UBXN4: variants seen among roughly 807,000 people sequenced by gnomAD.
UBXN4 encodes the protein UBX domain protein 4.
A neutral mutation model predicts 66.2 loss-of-function variants in UBXN4; 35 were observed. The observed-to-expected ratio is 0.53, with a 90% confidence interval of 0.40 to 0.70. The LOEUF (loss-of-function observed/expected upper bound fraction) is 0.70. Ranked by LOEUF, UBXN4 falls within the 30% of genes least tolerant of loss-of-function variation. The pLI is 0.00. For synonymous variants in UBXN4, 203 were observed against 204.5 expected (o/e 0.99, Z 0.06); for missense variants, 533 against 599.8 (o/e 0.89, Z 1.16).
intron 8 of UBXN4, among the ~76,000 whole-genome samples, chr2:135,771,496 A>G (rs1017883780): frequency 2.0e-5 from 3 of 152,114 alleles, no homozygotes; most frequent in Non-Finnish European, 2.9e-5. Context: ...GAAAGAAAGA[A>G]AAAAAGCCAT....
chr2:135,780,690 TA>T (rs2105510631), intron 12 of UBXN4, among the ~76,000 whole-genome samples: 1 of 152,366 alleles, frequency 6.6e-6, no homozygotes, highest in Non-Finnish European at 1.5e-5. Flanking sequence ...TTTTTTCTAG[TA>T]ACCTCTTTCT....
In UBXN4 at chr2:135,769,750, T is replaced by G. The variant is rs2077371051; in HGVS notation, c.603-19T>G. On this transcript the variant is annotated intron_variant, in intron 6 of 12. Coordinates refer to ENST00000272638, the MANE Select transcript of UBXN4 (RefSeq NM_014607.4). The stretch of plus-strand genomic sequence containing the variant: ...ATGATGTGTCTCAATTAGTGGTGGT[T>G]TTTTTTTTTTTAATACAGACTAACA... The G allele has an allele frequency of 2.1e-6, 3 of 1,416,276 alleles. No homozygotes were observed. Among genetic ancestry groups the G allele is most frequent in the South Asian group, 1.4e-5 (1 of 73,486 alleles). 87.7% of individuals were successfully genotyped at this position (1,416,276 alleles called of 1,614,324 possible).
Position 135,754,180 on chromosome 2 carries a change from C to T in UBXN4, c.236C>T (p.Ser79Phe). The T allele has an allele frequency of 6.2e-7, 1 of 1,613,604 alleles. No individual in the cohort carries two copies. The change falls in exon 4 of 13, where the codon TCC becomes TTC. Residue 79 changes from serine (S) to phenylalanine (F), a missense_variant. Transcript: ENST00000272638. ...ACAGATCCTGTAGTGTGTGTTCCAT[C>T]CAGTTTCTTTATTGGAGACAGTGGA... The part of the protein sequence containing the change: ...SQIYPVVCVP[S>F]SFFIGDSGIP...
intron 7 of UBXN4, 91 bp from the exon 8 acceptor site, chr2:135,770,480 A>T: frequency 1.2e-6 from 1 of 858,634 alleles, no homozygotes; most frequent in Non-Finnish European, 1.7e-6. Context: ...ATGAAGTTTT[A>T]TTCTTTTAAC....
chr2:135,755,790 C>A, intron 5 of UBXN4, 99 bp downstream of exon 5: 2 of 777,458 alleles, frequency 2.6e-6, no homozygotes, highest in African/African-American at 1.8e-5. Flanking sequence ...ATGTATTTTT[C>A]TTCACATTTA....
At chr2:135,775,789 T>C (rs565566010) in intron 9 of UBXN4, among the ~76,000 whole-genome samples, 2 of 152,304 alleles carry the variant, frequency 1.3e-5, no homozygotes, top group South Asian at 2.1e-4. Context: ...TTGTTTGAGA[T>C]GGAGTCTCGC....
At chr2:135,761,979 T>G in intron 6 of UBXN4, 68 bp downstream of exon 6, 1 of 1,458,892 alleles carries the variant, frequency 6.9e-7, no homozygotes. Context: ...TTTCATTAAT[T>G]TGAATTAAAG....
intron 9 of UBXN4, among the ~76,000 whole-genome samples, chr2:135,773,562 G>C (rs1178500106): frequency 6.6e-6 from 1 of 152,186 alleles, no homozygotes; most frequent in Non-Finnish European, 1.5e-5. Context: ...TGTGGTGAAG[G>C]AGGTGGGGGA....
chr2:135,767,475 A>G (rs1251246368), intron 6 of UBXN4, among the ~76,000 whole-genome samples: 1 of 152,210 alleles, frequency 6.6e-6, no homozygotes, highest in African/African-American at 2.4e-5. Context: ...CGAACACTGT[A>G]GGTTAGTTGT....
At chr2:135,775,886 G>C (rs1489327592) in intron 9 of UBXN4, among the ~76,000 whole-genome samples, 1 of 152,112 alleles carries the variant, frequency 6.6e-6, no homozygotes, top group Admixed American at 6.5e-5. Flanking sequence ...CCCTGCCTTA[G>C]CTTCCTGAGT....
At chr2:135,754,739 C>A (rs1575316019) in intron 4 of UBXN4, among the ~76,000 whole-genome samples, 1 of 152,268 alleles carries the variant, frequency 6.6e-6, no homozygotes, top group African/African-American at 2.4e-5. Flanking sequence ...CATGAAGTTA[C>A]AGGTGCCAGT....
chr2:135,754,099 T>C, intron 3 of UBXN4, 60 bp from the exon 4 acceptor site: 2 of 1,148,770 alleles, frequency 1.7e-6, no homozygotes, highest in Non-Finnish European at 1.3e-6. Flanking sequence ...TTACCAATAG[T>C]GTTTCGTAAA....
intron 10 of UBXN4, among the ~76,000 whole-genome samples, chr2:135,776,905 T>C (rs1417315291): frequency 1.3e-5 from 2 of 152,190 alleles, no homozygotes; most frequent in Admixed American, 6.5e-5. Context: ...CTGGGAACTT[T>C]TTTCACTGAT....
At position 135,751,685 on chromosome 2, in the gene UBXN4, G is replaced by A. The variant is rs74265491; in HGVS notation, c.186-1854G>A. ...GTGTGTATGTATTTTTGGAGATAGC[G>A]TGCATTGAAAATAGATTAGTAGGAA... On this transcript the variant is annotated intron_variant, in intron 2 of 12. Coordinates refer to ENST00000272638, the MANE Select transcript of UBXN4 (RefSeq NM_014607.4). Among the ~76,000 whole-genome samples the A allele has an allele frequency of 0.011, 1,600 of 151,510 alleles. 98 individuals are homozygous for A. The East Asian group carries it at 0.19, about 18-fold the overall frequency.
At chr2:135,778,918 CTCTT>C in intron 10 of UBXN4, 26 bp from the exon 11 acceptor site, 4 of 1,576,326 alleles carry the variant, frequency 2.5e-6, no homozygotes, top group Non-Finnish European at 3.4e-6. Flanking sequence ...TTTAAAGGCA[CTCTT>C]TAAGTTTTTA....
chr2:135,748,261 T>G lies in UBXN4; in HGVS notation c.83-6T>G. On this transcript the variant is annotated splice_region_variant and splice_polypyrimidine_tract_variant and intron_variant, in intron 1 of 12. Transcript: ENST00000272638. ...CTGGTATAAGAATTTTTGAAATGTT[T>G]TACAGGTGATGATGAACAGTCTACA... The G allele has an allele frequency of 6.4e-7, 1 of 1,554,488 alleles. No individual in the cohort carries two copies. Among genetic ancestry groups the G allele is most frequent in the Non-Finnish European group, 8.7e-7 (1 of 1,154,432 alleles).
chr2:135,764,128 T>TAAATA (rs139571168), intron 6 of UBXN4, among the ~76,000 whole-genome samples: 16 of 150,614 alleles, frequency 1.1e-4, no homozygotes, highest in Non-Finnish European at 2.2e-4. Context: ...CGTCTCAAAA[T>TAAATA]AAATAAAATA....
intron 8 of UBXN4, among the ~76,000 whole-genome samples, chr2:135,771,312 A>G (rs2077381790): frequency 6.6e-6 from 1 of 152,104 alleles, no homozygotes; most frequent in African/African-American, 2.4e-5. Flanking sequence ...CGCCATCTCT[A>G]CTAAAAATAC....
chr2:135,756,410 T>C (rs969623355), intron 5 of UBXN4, among the ~76,000 whole-genome samples: 2 of 152,230 alleles, frequency 1.3e-5, no homozygotes, highest in Non-Finnish European at 2.9e-5. Flanking sequence ...TGAACAGCTC[T>C]AGTTTTTAGA....
Sources: allele counts gnomAD v4.1 joint callset (sites outside exome capture counted in the v4.1 genomes callset), GRCh38; gene constraint gnomAD v4.1.1; transcripts MANE v1.5; gene names NCBI Gene and HGNC (gene_info 2026-07-23, HGNC 2026-07-21).